WIPF3: variants seen among roughly 807,000 people sequenced by gnomAD.
The protein encoded by WIPF3 is WAS/WASL interacting protein family member 3, also known as WAS/WASL-interacting protein family member 3.
A neutral mutation model predicts 38.9 loss-of-function variants in WIPF3; 33 were observed. That is an observed-to-expected ratio of 0.85 (90% CI 0.64 to 1.14). The LOEUF (loss-of-function observed/expected upper bound fraction) is 1.14, where lower values mean the gene tolerates loss of function less well. WIPF3 is among the 50% of genes most tolerant of loss of function. WIPF3 has a pLI of 0.00. For missense variants in WIPF3, 711 were observed against 652.5 expected, an observed-to-expected ratio of 1.09 and a Z score of -0.98; for synonymous variants, 324 against 269.3, an observed-to-expected ratio of 1.20 and a Z score of -1.99.
intron 1 of WIPF3, among the ~76,000 whole-genome samples, chr7:29,808,364 C>G (rs557556034): frequency 3.3e-5 from 5 of 152,210 alleles, no homozygotes; most frequent in Non-Finnish European, 7.3e-5. Flanking sequence ...TGTGCATCAC[C>G]TCCTGTGATT....
chr7:29,913,200 G>A (rs1034471563), intron 8 of WIPF3, among the ~76,000 whole-genome samples: 1 of 152,096 alleles, frequency 6.6e-6, no homozygotes, highest in Admixed American at 6.6e-5. Context: ...TACAGAATTA[G>A]CCAGGCATGG....
intron 7 of WIPF3, among the ~76,000 whole-genome samples, chr7:29,898,295 A>G (rs558923411): frequency 1.8e-4 from 28 of 151,564 alleles, no homozygotes; most frequent in African/African-American, 6.1e-4. Context: ...TCTCTCTTCT[A>G]CTCCTGCATC....
chr7:29,858,322 C>T (rs943610376), intron 2 of WIPF3, among the ~76,000 whole-genome samples: 7 of 152,158 alleles, frequency 4.6e-5, no homozygotes, highest in Non-Finnish European at 1.0e-4. Context: ...TCTTCCATAG[C>T]GTGTGGGTTA....
At chr7:29,837,189 A>T (rs1211761685) in intron 2 of WIPF3, among the ~76,000 whole-genome samples, 1 of 151,928 alleles carries the variant, frequency 6.6e-6, no homozygotes, top group Non-Finnish European at 1.5e-5. Flanking sequence ...CCCCGTCTCT[A>T]CTAAAAATAC....
intron 7 of WIPF3, among the ~76,000 whole-genome samples, chr7:29,898,561 A>G (rs1211151535): frequency 1.3e-5 from 2 of 152,144 alleles, no homozygotes; most frequent in African/African-American, 4.8e-5. Flanking sequence ...GGAAATTCCT[A>G]TCATGGTTCA....
Position 29,883,790 on chromosome 7 carries a change from C to A in WIPF3, c.356-60C>A, listed in dbSNP as rs115512166. 2,954 of 1,503,682 alleles carry A rather than the reference C, an allele frequency of 2.0e-3. 59 individuals are homozygous for A. In the African/African-American group the frequency reaches 0.035, roughly 18 times the overall value. The allele number at this position is 1,503,682 out of a possible 1,614,324, so 93.1% of individuals were successfully genotyped here. A position where few individuals can be genotyped will look rare whatever the true frequency, so the allele number is the denominator to read the frequency against. ...GCTTGAGTGTCCTGAGTGCCGCCTA[C>A]CTGCGGGGGCTTTCTCCTTCTTTAT... On this transcript the variant is annotated intron_variant, in intron 4 of 8. Coordinates refer to ENST00000242140, the MANE Select transcript of WIPF3 (RefSeq NM_001080529.3).
At chr7:29,811,857 G>A (rs183714748) in intron 1 of WIPF3, among the ~76,000 whole-genome samples, 15 of 152,320 alleles carry the variant, frequency 9.8e-5, no homozygotes, top group Admixed American at 5.9e-4. Flanking sequence ...TCTTAGCTAT[G>A]CTTACTGAGT....
chr7:29,829,978 T>C (rs1222541903), intron 1 of WIPF3, among the ~76,000 whole-genome samples: 1 of 152,144 alleles, frequency 6.6e-6, no homozygotes, highest in African/African-American at 2.4e-5. Context: ...TTTAAATGGG[T>C]TGAGAGAACA....
intron 1 of WIPF3, among the ~76,000 whole-genome samples, chr7:29,820,782 T>C (rs750157528): frequency 7.9e-5 from 12 of 152,196 alleles, no homozygotes; most frequent in Non-Finnish European, 1.6e-4. Context: ...CTGTGAGAAA[T>C]AGACGTGATT....
In WIPF3 at chr7:29,883,932, G is replaced by A; in HGVS notation, c.438G>A (p.Pro146=). The stretch of plus-strand genomic sequence containing the variant: ...AAACCATCAGCGGCCCGCTTATCCC[G>A]CCTGCCTCTCCCAGGCTAGGCAATA... ...PNKTISGPLI[P]PASPRLGNTS... The change falls in exon 5 of 9, where the codon CCG becomes CCA. Residue 146 remains proline (P), a synonymous_variant. Transcript: ENST00000242140. 1 of 1,577,106 alleles carries A rather than the reference G, an allele frequency of 6.3e-7. No homozygotes were observed. Among genetic ancestry groups the A allele is most frequent in the East Asian group, 2.3e-5 (1 of 42,848 alleles).
rs558383091 is a variant in WIPF3 at position 29,865,390 on chromosome 7, C to T, written c.91-10440C>T. ...TGACCCCTGAACTCAGCTCTTTCCA[C>T]TATACCACACTGCCTTCTTAATAAC... is the stretch of plus-strand genomic sequence containing the variant. On this transcript the variant is annotated intron_variant, in intron 2 of 8. Coordinates refer to ENST00000242140, the MANE Select transcript of WIPF3 (RefSeq NM_001080529.3). 4.6e-5 allele frequency among the ~76,000 whole-genome samples: 7 copies of T among 152,312 alleles called. No homozygotes were observed. In the South Asian group the frequency reaches 1.5e-3, roughly 32 times the overall value.
chr7:29,816,391 C>T (rs962322822), intron 1 of WIPF3, among the ~76,000 whole-genome samples: 3 of 152,084 alleles, frequency 2.0e-5, no homozygotes, highest in African/African-American at 7.2e-5. Flanking sequence ...CAGTGGCCTG[C>T]CTGATTATGG....
At chr7:29,900,107 T>A (rs1366634507) in intron 7 of WIPF3, among the ~76,000 whole-genome samples, 2 of 151,954 alleles carry the variant, frequency 1.3e-5, no homozygotes, top group Middle Eastern at 3.2e-3. Context: ...CCAGCTAATT[T>A]TTGTATTTTT....
chr7:29,811,055 A>AT (rs111860073), intron 1 of WIPF3, among the ~76,000 whole-genome samples: 17,367 of 151,078 alleles, frequency 0.11, 1,095 homozygotes, highest in African/African-American at 0.16. Context: ...TGCCCGGCTA[A>AT]TTTTTTTTTA....
Position 29,831,584 on chromosome 7 carries a change from A to G in WIPF3, c.-57-3084A>G, listed in dbSNP as rs1583594783. Among the ~76,000 whole-genome samples the G allele has an allele frequency of 2.6e-5, 4 of 152,340 alleles. No homozygotes were observed. The East Asian group carries it at 7.7e-4, about 29-fold the overall frequency. ...GTATTTTATTTAGTTCCTATATTGG[A>G]TAGGTTCAATATTAGTGGATAAAAC... On this transcript the variant is annotated intron_variant, in intron 1 of 8. Coordinates refer to ENST00000242140, the MANE Select transcript of WIPF3 (RefSeq NM_001080529.3).
At chr7:29,816,303 T>G (rs1415257566) in intron 1 of WIPF3, among the ~76,000 whole-genome samples, 1 of 151,840 alleles carries the variant, frequency 6.6e-6, no homozygotes, top group African/African-American at 2.4e-5. Flanking sequence ...GTTCTTTTAT[T>G]ATTATTATTA....
chr7:29,901,608 T>C (rs1247255629), intron 7 of WIPF3, among the ~76,000 whole-genome samples: 1 of 151,578 alleles, frequency 6.6e-6, no homozygotes, highest in African/African-American at 2.4e-5. Flanking sequence ...CTGGCCAACA[T>C]GGCAAAACCC....
chr7:29,891,694 G>A (rs984438408), intron 7 of WIPF3, among the ~76,000 whole-genome samples: 20 of 152,196 alleles, frequency 1.3e-4, no homozygotes, highest in Non-Finnish European at 2.1e-4. Context: ...GGCACCAGAG[G>A]CTGCAAAGTG....
In WIPF3 at chr7:29,914,846, G is replaced by A. The variant is rs1342001017; in HGVS notation, c.*330G>A. 8 of 193,132 alleles carry A rather than the reference G, an allele frequency of 4.1e-5. No homozygotes were observed. Among genetic ancestry groups the A allele is most frequent in the South Asian group, 1.9e-4 (1 of 5,264 alleles). The allele number at this position is 193,132 out of a possible 1,614,324, so 12.0% of individuals were successfully genotyped here. On this transcript the variant is annotated 3_prime_UTR_variant, in exon 9 of 9. Coordinates refer to ENST00000242140, the MANE Select transcript of WIPF3 (RefSeq NM_001080529.3). ...GCTGGCCCTTCCTAGATTCTGAACC[G>A]TTTGTAGAGAGTCCTTAGTTTGCAG...
Sources: allele counts gnomAD v4.1 joint callset (sites outside exome capture counted in the v4.1 genomes callset), GRCh38; gene constraint gnomAD v4.1.1; transcripts MANE v1.5; gene names NCBI Gene and HGNC (gene_info 2026-07-23, HGNC 2026-07-21).